GPCPD1: variants seen among roughly 807,000 people sequenced by gnomAD.
The protein encoded by GPCPD1 is glycerophosphocholine phosphodiesterase 1, also known as glycerophosphocholine phosphodiesterase GPCPD1.
GPCPD1 carries 29 observed loss-of-function variants against 89.2 expected under a neutral mutation model. The observed-to-expected ratio is 0.33, with a 90% CI of 0.24 to 0.44. The LOEUF (loss-of-function observed/expected upper bound fraction) is 0.44, where lower values mean the gene tolerates loss of function less well. Ranked by LOEUF, GPCPD1 falls within the 20% of genes least tolerant of loss-of-function variation. The probability of loss-of-function intolerance (pLI) is 1.00; values close to 1 mark genes in which losing one functional copy is unlikely to be tolerated. For synonymous variants in GPCPD1, 258 were observed against 266.3 expected, an observed-to-expected ratio of 0.97 and a Z score of 0.30; for missense variants, 594 against 808.9, an observed-to-expected ratio of 0.73 and a Z score of 3.22.
chr20:5,575,627 CT>C, intron 9 of GPCPD1, 82 bp from the exon 10 acceptor site: 1 of 968,608 alleles, frequency 1.0e-6, no homozygotes, highest in Non-Finnish European at 1.6e-6. Context: ...TTAAATACCA[CT>C]CAAGTCAGCT....
chr20:5,582,963 G>A (rs6133233), intron 6 of GPCPD1, among the ~76,000 whole-genome samples: 25,406 of 151,712 alleles, frequency 0.17, 2,281 homozygotes, highest in East Asian at 0.26. Context: ...AGCCAGGTGC[G>A]GTGGCACACG....
chr20:5,581,813 A>ATTTTT (rs1568664434), intron 6 of GPCPD1, among the ~76,000 whole-genome samples: 1 of 82,808 alleles, frequency 1.2e-5, no homozygotes. Flanking sequence ...TGGGACTTTA[A>ATTTTT]CTTTTTTTTT....
intron 19 of GPCPD1, chr20:5,549,329 A>G (rs145348500): frequency 1.8e-4 from 191 of 1,071,830 alleles, no homozygotes; most frequent in African/African-American, 1.8e-3. Context: ...AGTATGGACT[A>G]CTGAATGTGA....
chr20:5,556,541 T>G (rs1555803370), intron 19 of GPCPD1, among the ~76,000 whole-genome samples: 1 of 152,120 alleles, frequency 6.6e-6, no homozygotes, highest in African/African-American at 2.4e-5. Context: ...ACCAAAAGAT[T>G]TAGGACTTGC....
At chr20:5,609,209 G>A (rs1203009050) in intron 1 of GPCPD1, among the ~76,000 whole-genome samples, 1 of 152,020 alleles carries the variant, frequency 6.6e-6, no homozygotes, top group South Asian at 2.1e-4. Flanking sequence ...AATTCTTCTT[G>A]CCCTTTCCCA....
Position 5,560,005 on chromosome 20 carries a change from A to G in GPCPD1, c.1467T>C (p.Thr489=), listed in dbSNP as rs1454947374. ...TCCTCTTCCCAGAATTTTCTAAAAC[A>G]GTTTTTAAAATTATATCCAAAAACA... is the stretch of plus-strand genomic sequence containing the variant. ...MNLFLDIILK[T]VLENSGKRRI... Residue 489 remains threonine, a synonymous_variant, in exon 17 of 20, where the codon ACT becomes ACC. Coordinates refer to ENST00000379019, the MANE Select transcript of GPCPD1 (RefSeq NM_019593.5). The G allele has an allele frequency of 1.3e-6, 2 of 1,572,928 alleles. No homozygotes were observed. The highest frequency in any genetic ancestry group is 1.1e-5 in the South Asian group (1 of 87,768).
intron 19 of GPCPD1, among the ~76,000 whole-genome samples, chr20:5,555,079 T>C (rs1196207176): frequency 2.6e-5 from 4 of 152,068 alleles, no homozygotes; most frequent in Non-Finnish European, 5.9e-5. Flanking sequence ...AGACGAGGAG[T>C]TGCTTCTTAT....
chr20:5,552,207 T>C (rs7263137), intron 19 of GPCPD1, among the ~76,000 whole-genome samples: 37,597 of 152,076 alleles, frequency 0.25, 5,105 homozygotes, highest in East Asian at 0.43. Context: ...CAACTCAACA[T>C]AACCCACCTT....
intron 1 of GPCPD1, among the ~76,000 whole-genome samples, chr20:5,609,851 A>G (rs528292423): frequency 7.9e-5 from 12 of 151,842 alleles, no homozygotes; most frequent in Middle Eastern, 3.4e-3. Flanking sequence ...GAATTTTGAA[A>G]AAAAAAAAAA....
chr20:5,601,355 GTTAATCTT>G (rs1980127416), intron 2 of GPCPD1, among the ~76,000 whole-genome samples: 1 of 131,520 alleles, frequency 7.6e-6, no homozygotes, highest in South Asian at 2.5e-4. Context: ...GGGAGACCCT[GTTAATCTT>G]TTTTTTTTTT....
At chr20:5,575,331 T>C in intron 10 of GPCPD1, 82 bp downstream of exon 10, 1 of 958,606 alleles carries the variant, frequency 1.0e-6, no homozygotes, top group Non-Finnish European at 1.6e-6. Context: ...AAACATCATT[T>C]GACCTTTGCT....
intron 18 of GPCPD1, 88 bp downstream of exon 18, chr20:5,558,592 ACATT>A: frequency 1.4e-6 from 1 of 730,926 alleles, no homozygotes; most frequent in Non-Finnish European, 2.2e-6. Flanking sequence ...CAAAACGTTA[ACATT>A]AGATGGGTAA....
intron 1 of GPCPD1, among the ~76,000 whole-genome samples, chr20:5,605,518 C>T (rs1980520342): frequency 6.6e-6 from 1 of 152,168 alleles, no homozygotes; most frequent in Non-Finnish European, 1.5e-5. Flanking sequence ...GTGGCTCACA[C>T]CTGTAATCCC....
chr20:5,595,162 A>G (rs1331758144), intron 3 of GPCPD1, among the ~76,000 whole-genome samples: 1 of 152,250 alleles, frequency 6.6e-6, no homozygotes. Context: ...ATCATTTTTT[A>G]GCAATAAAGT....
chr20:5,575,482 T>G lies in GPCPD1; in HGVS notation c.932A>C (p.Lys311Thr), dbSNP rs1453346045. The change falls in exon 10 of 20, where the codon AAG becomes ACG. Residue 311 changes from lysine to threonine, a missense_variant. Transcript: ENST00000379019. ...YSCDMKSSFS[K>T]YWKPRIPLDV... ...CAATGGTATTCTTGGCTTCCAATACTTGGAAAATGAAGATTTCATGTCACA... is the reference window on the plus strand; with the variant it reads ...CAATGGTATTCTTGGCTTCCAATACGTGGAAAATGAAGATTTCATGTCACA... The G allele has an allele frequency of 1.9e-6, 3 of 1,601,818 alleles. No individual in the cohort carries two copies. Among genetic ancestry groups the G allele is most frequent in the Non-Finnish European group, 2.6e-6 (3 of 1,168,824 alleles).
intron 10 of GPCPD1, 77 bp downstream of exon 10, chr20:5,575,336 T>C: frequency 9.8e-7 from 1 of 1,020,496 alleles, no homozygotes; most frequent in Non-Finnish European, 1.4e-6. Flanking sequence ...TCATTTGACC[T>C]TTGCTGAGAA....
At chr20:5,555,746 G>C (rs112206330) in intron 19 of GPCPD1, among the ~76,000 whole-genome samples, 7 of 152,036 alleles carry the variant, frequency 4.6e-5, no homozygotes, top group African/African-American at 1.7e-4. Context: ...TGTAATCCCA[G>C]CTACCCAGGA....
At chr20:5,570,480 C>T (rs1217679876) in intron 11 of GPCPD1, among the ~76,000 whole-genome samples, 1 of 147,326 alleles carries the variant, frequency 6.8e-6, no homozygotes, top group African/African-American at 2.5e-5. Context: ...CACTCAGAGG[C>T]ACCGCAGTGG....
intron 19 of GPCPD1, chr20:5,549,249 T>A (rs980678379): frequency 1.3e-6 from 1 of 792,136 alleles, no homozygotes; most frequent in Non-Finnish European, 2.2e-6. Context: ...TATTGGAGAA[T>A]CTTTTGATGA....
Sources: allele counts gnomAD v4.1 joint callset (sites outside exome capture counted in the v4.1 genomes callset), GRCh38; gene constraint gnomAD v4.1.1; transcripts MANE v1.5; gene names NCBI Gene and HGNC (gene_info 2026-07-23, HGNC 2026-07-21).